Variants in AIFM1 observed in about 807,000 individuals in gnomAD.
AIFM1 encodes the protein apoptosis inducing factor mitochondria associated 1.
Under a neutral mutation model 51.7 loss-of-function variants are expected in AIFM1, and 3 were observed. The observed-to-expected ratio is 0.06, with a 90% CI of 0.03 to 0.15. AIFM1 has a LOEUF of 0.15. Among genes scored for constraint, AIFM1 ranks in the 10% least tolerant of loss-of-function variants. The probability of loss-of-function intolerance (pLI) is 1.00; values close to 1 mark genes in which losing one functional copy is unlikely to be tolerated. For missense variants in AIFM1, 330 were observed against 476.8 expected, an observed-to-expected ratio of 0.69 and a Z score of 2.87; for synonymous variants, 178 against 179.4, an observed-to-expected ratio of 0.99 and a Z score of 0.06.
intron 6 of AIFM1, 52 bp downstream of exon 6, chrX:130,145,427 G>C: frequency 2.1e-6 from 2 of 930,888 alleles, no homozygotes; most frequent in Non-Finnish European, 3.1e-6. Context: ...CACCATACTG[G>C]CTGGTGGGCA....
intron 2 of AIFM1, among the ~76,000 whole-genome samples, chrX:130,153,084 G>C (rs2031039938): frequency 9.3e-6 from 1 of 107,880 alleles, no homozygotes; most frequent in African/African-American, 3.4e-5. Context: ...TGTAATCCCA[G>C]CACTTTGGGA....
chrX:130,132,742 C>CTTTTT (rs898776932), intron 13 of AIFM1, among the ~76,000 whole-genome samples: 1 of 69,885 alleles, frequency 1.4e-5, no homozygotes, highest in Non-Finnish European at 2.6e-5. Context: ...TCTGACACTC[C>CTTTTT]TTTTTTTTTT....
intron 14 of AIFM1, among the ~76,000 whole-genome samples, chrX:130,130,927 A>C (rs181763036): frequency 8.9e-6 from 1 of 112,500 alleles, no homozygotes. Context: ...GAGAGATCAG[A>C]ATTAAGGAAT....
At chrX:130,149,134 C>G (rs999664735) in intron 3 of AIFM1, among the ~76,000 whole-genome samples, 1 of 109,975 alleles carries the variant, frequency 9.1e-6, no homozygotes, top group African/African-American at 3.3e-5. Context: ...GTTGGCCAGG[C>G]TGGTCTTGAG....
intron 12 of AIFM1, among the ~76,000 whole-genome samples, chrX:130,133,791 C>A (rs1236111429): frequency 2.8e-5 from 3 of 108,512 alleles, no homozygotes; most frequent in Non-Finnish European, 5.7e-5. Context: ...CCATGCCTGG[C>A]TAAATTTTTT....
chrX:130,131,677 G>A lies in AIFM1; in HGVS notation c.1571C>T (p.Ser524Leu). The change falls in exon 14 of 16, where the codon TCA (serine) becomes TTA (leucine). Residue 524 changes from serine (S) to leucine (L), a missense_variant and splice_region_variant. Ser to Leu is a moderately radical substitution (Grantham distance 145). This residue lies in a region of AIFM1 where 56 missense variants were observed against 48.8 expected (regional missense o/e 1.15). Transcript: ENST00000287295. ...QDNPKSATEQSGTGIRSESET... is the reference protein window; with the variant it reads ...QDNPKSATEQLGTGIRSESET... ...GAGGAGTGCTAGGACTTTCTTACCT[G>A]ACTGCTCTGTGGCAGATTTGGGGTT... is the stretch of plus-strand genomic sequence containing the variant. 2.5e-6 allele frequency: 3 copies of A among 1,211,889 alleles called. No homozygotes were observed. The highest frequency in any genetic ancestry group is 3.3e-6 in the Non-Finnish European group (3 of 895,529).
intron 2 of AIFM1, chrX:130,155,115 C>T: frequency 8.3e-7 from 1 of 1,206,450 alleles, no homozygotes; most frequent in Non-Finnish European, 1.1e-6. Flanking sequence ...CATGGGCTCA[C>T]CCACCCTACC....
In AIFM1 at chrX:130,157,084, G is replaced by A. The variant is rs773012042; in HGVS notation, c.107-481C>T. On this transcript the variant is annotated intron_variant, in intron 1 of 15. Transcript: ENST00000287295. ...AGTTCAATCTTGCATGAAAGGTAATGTGTCCTGGAATACAGAAATGTTAAA... is the reference window on the plus strand; with the variant it reads ...AGTTCAATCTTGCATGAAAGGTAATATGTCCTGGAATACAGAAATGTTAAA... 1.3e-3 allele frequency among the ~76,000 whole-genome samples: 144 copies of A among 111,790 alleles called. 1 individual carries two copies. The highest frequency in any genetic ancestry group is 4.3e-3 in the African/African-American group (134 of 30,837).
Position 130,137,163 on chromosome X carries a change from C to A in AIFM1, c.990G>T (p.Val330=). The A allele has an allele frequency of 8.3e-7, 1 of 1,211,498 alleles. No homozygotes were observed. Among genetic ancestry groups the A allele is most frequent in the Non-Finnish European group, 1.1e-6 (1 of 895,531 alleles). ...GRKARALGTE[V]IQLFPEKGNM... ...TTCCTTTCTCGGGGAAGAGTTGAAT[C>A]ACTTCTGTGCCCAAGGCTCGAGCTG... Residue 330 remains valine (V), a synonymous_variant, in exon 10 of 16, where the codon GTG becomes GTT. Transcript: ENST00000287295.
chrX:130,138,405 C>T (rs752439789), intron 9 of AIFM1, among the ~76,000 whole-genome samples, 188 bp downstream of exon 9: 2 of 110,516 alleles, frequency 1.8e-5, no homozygotes, highest in East Asian at 2.9e-4. Context: ...GCGGAGCTTG[C>T]AGTGAGCCGA....
chrX:130,142,382 C>T (rs945282592), intron 6 of AIFM1, among the ~76,000 whole-genome samples: 2 of 111,123 alleles, frequency 1.8e-5, no homozygotes, highest in East Asian at 5.6e-4. Context: ...TCACGGTGTT[C>T]GCTCTCAGAT....
At chrX:130,153,624 G>A (rs1357208667) in intron 2 of AIFM1, among the ~76,000 whole-genome samples, 1 of 111,081 alleles carries the variant, frequency 9.0e-6, no homozygotes, top group Non-Finnish European at 1.9e-5. Context: ...ATTGAATGAA[G>A]TCTTAAGGGT....
chrX:130,161,688 A>T (rs1381649821), intron 1 of AIFM1, among the ~76,000 whole-genome samples: 1 of 96,516 alleles, frequency 1.0e-5, no homozygotes, highest in Non-Finnish European at 2.1e-5. Flanking sequence ...GTTCACCGCA[A>T]CCTCCACTTC....
intron 5 of AIFM1, among the ~76,000 whole-genome samples, chrX:130,145,904 C>A (rs1031901317): frequency 1.8e-5 from 2 of 111,492 alleles, no homozygotes; most frequent in East Asian, 5.6e-4. Flanking sequence ...CAGCTCCCCA[C>A]CCCCAGCAAA....
At chrX:130,138,529 G>A (rs1181611481) in intron 9 of AIFM1, 64 bp downstream of exon 9, 2 of 777,142 alleles carry the variant, frequency 2.6e-6, no homozygotes, top group East Asian at 3.1e-5. Flanking sequence ...ACACATCTCT[G>A]GGATTCACAG....
chrX:130,129,886 C>A, intron 15 of AIFM1, 84 bp downstream of exon 15: 1 of 1,099,525 alleles, frequency 9.1e-7, no homozygotes, highest in Non-Finnish European at 1.3e-6. Context: ...GGGGACAATG[C>A]ATCTCAGGGC....
intron 10 of AIFM1, 25 bp downstream of exon 10, chrX:130,137,053 C>T (rs1304405715): frequency 8.3e-7 from 1 of 1,209,077 alleles, no homozygotes; most frequent in African/African-American, 1.8e-5. Flanking sequence ...AATAGAGTGG[C>T]AGCATATAGA....
chrX:130,129,579 A>T lies in AIFM1; in HGVS notation c.1820T>A (p.Leu607Gln), dbSNP rs863223899. 13 of 1,209,153 alleles carry T rather than the reference A, an allele frequency of 1.1e-5. No homozygotes were observed. The highest frequency in any genetic ancestry group is 1.5e-5 in the Non-Finnish European group (13 of 894,722). Residue 607 changes from leucine (L) to glutamine (Q), a missense_variant, in exon 16 of 16, where the codon CTA becomes CAA. This residue lies in a region of AIFM1 where 12 missense variants were observed against 32.1 expected (regional missense o/e 0.37). Coordinates refer to ENST00000287295, the MANE Select transcript of AIFM1 (RefSeq NM_004208.4). Reference sequence around the variant, plus strand: ...GCTTCAGTCTTCATGAATGTTGAATAGTTTGGCTACTTCATTGAGATCTTC... The same window carrying T: ...GCTTCAGTCTTCATGAATGTTGAATTGTTTGGCTACTTCATTGAGATCTTC... ...QHEDLNEVAK[L>Q]FNIHED
intron 5 of AIFM1, among the ~76,000 whole-genome samples, chrX:130,145,906 C>T (rs2030733739): frequency 9.0e-6 from 1 of 111,482 alleles, no homozygotes; most frequent in African/African-American, 3.3e-5. Context: ...GCTCCCCACC[C>T]CCAGCAAAGC....
Sources: allele counts gnomAD v4.1 joint callset (sites outside exome capture counted in the v4.1 genomes callset), GRCh38; gene constraint gnomAD v4.1.1; regional missense constraint gnomAD v4.1.1; transcripts MANE v1.5; gene names NCBI Gene and HGNC (gene_info 2026-07-23, HGNC 2026-07-21).